Variants in NAALADL2 observed in about 807,000 individuals in gnomAD.
The protein encoded by NAALADL2 is N-acetylated alpha-linked acidic dipeptidase like 2, also known as inactive N-acetylated-alpha-linked acidic dipeptidase-like protein 2.
NAALADL2 carries 76 observed loss-of-function variants against 87.2 expected under a neutral mutation model. The observed-to-expected ratio is 0.87, with a 90% confidence interval of 0.72 to 1.05. The LOEUF is 1.05. NAALADL2 is among the 50% of genes least tolerant of loss of function. The pLI, the probability that NAALADL2 is intolerant of heterozygous loss-of-function variation, is 0.00. For synonymous variants in NAALADL2, 354 were observed against 331.0 expected (o/e 1.07, Z -0.75); for missense variants, 1,089 against 945.8 (o/e 1.15, Z -1.99).
chr3:175,417,706 A>G (rs895581664), intron 5 of NAALADL2, among the ~76,000 whole-genome samples: 2 of 152,144 alleles, frequency 1.3e-5, no homozygotes, highest in Admixed American at 6.6e-5. Flanking sequence ...GTTCTTTACA[A>G]AGGCACTTCA....
At chr3:174,795,008 T>TTTG (rs869274402) in intron 3 of NAALADL2, among the ~76,000 whole-genome samples, 1 of 140,048 alleles carries the variant, frequency 7.1e-6, no homozygotes, top group East Asian at 2.0e-4. Context: ...TTTTTTTTTT[T>TTTG]GAGACAGAGT....
At chr3:174,882,719 ATG>A (rs1729492722) in intron 1 of NAALADL2, among the ~76,000 whole-genome samples, 1 of 147,416 alleles carries the variant, frequency 6.8e-6, no homozygotes, top group South Asian at 2.1e-4. Flanking sequence ...CTACACATAT[ATG>A]TGTATATGTG....
At chr3:174,990,659 C>T (rs1746610014) in intron 1 of NAALADL2, among the ~76,000 whole-genome samples, 1 of 152,002 alleles carries the variant, frequency 6.6e-6, no homozygotes, top group Non-Finnish European at 1.5e-5. Context: ...TTCTAAAGCT[C>T]GAAACAGATA....
intron 10 of NAALADL2, among the ~76,000 whole-genome samples, chr3:175,593,308 G>T (rs1471565246): frequency 1.3e-5 from 2 of 152,082 alleles, no homozygotes; most frequent in African/African-American, 4.8e-5. Flanking sequence ...TAACGTCTAA[G>T]CAGGTAATGC....
chr3:174,817,053 A>T (rs1370979817), intron 3 of NAALADL2, among the ~76,000 whole-genome samples: 1 of 152,178 alleles, frequency 6.6e-6, no homozygotes, highest in Non-Finnish European at 1.5e-5. Context: ...GCTAAATTTG[A>T]CTTTAGTTCT....
At chr3:175,338,890 A>C (rs62287018) in intron 5 of NAALADL2, among the ~76,000 whole-genome samples, 30,608 of 152,130 alleles carry the variant, frequency 0.2, 3,699 homozygotes, top group East Asian at 0.42. Flanking sequence ...GTGACTCATC[A>C]CTTGAGCTGC....
chr3:175,068,479 C>T (rs1308409828), intron 1 of NAALADL2, among the ~76,000 whole-genome samples: 1 of 151,800 alleles, frequency 6.6e-6, no homozygotes, highest in Non-Finnish European at 1.5e-5. Flanking sequence ...TGTGATAGAC[C>T]ACCTCAAAAG....
intron 1 of NAALADL2, among the ~76,000 whole-genome samples, chr3:174,873,138 C>T (rs1728050087): frequency 6.6e-6 from 1 of 152,048 alleles, no homozygotes; most frequent in Non-Finnish European, 1.5e-5. Context: ...TAATGGTTTG[C>T]ATTAATCTAT....
intron 2 of NAALADL2, among the ~76,000 whole-genome samples, chr3:174,656,484 A>G (rs552251442): frequency 6.6e-6 from 1 of 152,318 alleles, no homozygotes; most frequent in African/African-American, 2.4e-5. Flanking sequence ...GAGTGTTCTC[A>G]AATGGAGAAG....
At chr3:175,288,340 A>T (rs1755236198) in intron 4 of NAALADL2, among the ~76,000 whole-genome samples, 1 of 152,296 alleles carries the variant, frequency 6.6e-6, no homozygotes, top group Admixed American at 6.5e-5. Context: ...AATATGCTTT[A>T]CTCAGTTTCC....
chr3:174,447,771 C>T (rs1362827338), intron 1 of NAALADL2, among the ~76,000 whole-genome samples: 1 of 152,028 alleles, frequency 6.6e-6, no homozygotes, highest in Non-Finnish European at 1.5e-5. Context: ...GCCGAGATCA[C>T]ACCACTGCAC....
chr3:174,890,555 A>T (rs957983016), intron 1 of NAALADL2, among the ~76,000 whole-genome samples: 1 of 152,190 alleles, frequency 6.6e-6, no homozygotes, highest in Admixed American at 6.5e-5. Context: ...GATAATGAAG[A>T]TGTAGAATGA....
chr3:175,694,398 A>T (rs989390021), intron 11 of NAALADL2, among the ~76,000 whole-genome samples: 1 of 152,198 alleles, frequency 6.6e-6, no homozygotes, highest in Non-Finnish European at 1.5e-5. Flanking sequence ...GAAATCAAAA[A>T]ATAAATCACA....
At chr3:175,002,979 C>T (rs1748445633) in intron 1 of NAALADL2, among the ~76,000 whole-genome samples, 2 of 152,138 alleles carry the variant, frequency 1.3e-5, no homozygotes, top group Non-Finnish European at 1.5e-5. Context: ...CTGTTATGCT[C>T]ACAAAAATGC....
intron 6 of NAALADL2, among the ~76,000 whole-genome samples, chr3:175,449,088 T>A (rs949135763): frequency 1.3e-5 from 2 of 152,182 alleles, no homozygotes; most frequent in African/African-American, 2.4e-5. Context: ...ACTACTTTTT[T>A]AAAAAAATGC....
intron 10 of NAALADL2, among the ~76,000 whole-genome samples, chr3:175,606,063 T>C (rs2149657006): frequency 6.6e-6 from 1 of 152,240 alleles, no homozygotes; most frequent in South Asian, 2.1e-4. Context: ...TTTACATCAC[T>C]ACGATGTTGT....
At chr3:175,506,641 A>G (rs1254186844) in intron 9 of NAALADL2, among the ~76,000 whole-genome samples, 2 of 152,210 alleles carry the variant, frequency 1.3e-5, no homozygotes, top group Non-Finnish European at 2.9e-5. Context: ...TAGGAGTGTA[A>G]AAGTTACAGG....
chr3:175,615,861 A>T (rs1026103928), intron 10 of NAALADL2, among the ~76,000 whole-genome samples: 2 of 147,686 alleles, frequency 1.4e-5, no homozygotes, highest in African/African-American at 2.5e-5. Context: ...TGTCTCAAAA[A>T]ATATATATAT....
chr3:175,655,426 T>A (rs1467778729), intron 11 of NAALADL2: 1 of 320,870 alleles, frequency 3.1e-6, no homozygotes, highest in Non-Finnish European at 6.1e-6. Flanking sequence ...TTAGCTGGAG[T>A]TTGCCAAACA....
Sources: allele counts gnomAD v4.1 joint callset (sites outside exome capture counted in the v4.1 genomes callset), GRCh38; gene constraint gnomAD v4.1.1; transcripts MANE v1.5; gene names NCBI Gene and HGNC (gene_info 2026-07-23, HGNC 2026-07-21).